SLC24A2: variants seen among roughly 807,000 people sequenced by gnomAD.
SLC24A2 encodes the protein solute carrier family 24 member 2.
Under a neutral mutation model 62.0 loss-of-function variants are expected in SLC24A2, and 36 were observed. The observed-to-expected ratio is 0.58, with a 90% CI of 0.44 to 0.77. The LOEUF is 0.77. Among genes scored for constraint, SLC24A2 ranks in the 30% least tolerant of loss-of-function variants. SLC24A2 has a pLI of 0.00. For synonymous variants in SLC24A2, 358 were observed against 294.0 expected, an observed-to-expected ratio of 1.22 and a Z score of -2.23; for missense variants, 846 against 817.9, an observed-to-expected ratio of 1.03 and a Z score of -0.42.
intron 2 of SLC24A2, among the ~76,000 whole-genome samples, chr9:19,691,055 T>A (rs1272239015): frequency 6.6e-6 from 1 of 152,138 alleles, no homozygotes; most frequent in South Asian, 2.1e-4. Flanking sequence ...CTGCCCAAGA[T>A]AATTTCAGGC....
the SLC24A2 span, among the ~76,000 whole-genome samples, chr9:19,806,611 G>A: frequency 6.6e-6 from 1 of 152,108 alleles, no homozygotes. Context: ...TGAGCTATCT[G>A]ATCTAAGTTA....
At chr9:20,055,985 A>G in the SLC24A2 span, among the ~76,000 whole-genome samples, 37 of 152,364 alleles carry the variant, frequency 2.4e-4, 1 homozygote, top group East Asian at 6.7e-3. Flanking sequence ...TGGTAGAAAT[A>G]GAAGATGTGT....
At chr9:19,732,503 T>G (rs929666132) in intron 2 of SLC24A2, among the ~76,000 whole-genome samples, 4 of 152,214 alleles carry the variant, frequency 2.6e-5, no homozygotes, top group African/African-American at 9.6e-5. Context: ...AATAATTGTG[T>G]ATATTTACGG....
At position 19,576,962 on chromosome 9, in the gene SLC24A2, T is replaced by A; in HGVS notation, c.1190A>T (p.Asp397Val). Residue 397 changes from aspartate (D) to valine (V), a missense_variant, in exon 6 of 11, where the codon GAT (aspartate) becomes GTT (valine). Asp to Val is a radical substitution (Grantham distance 152). Coordinates refer to ENST00000341998, the MANE Select transcript of SLC24A2 (RefSeq NM_020344.4). ...AGCCCCATTCTGCCTCTCGTTCTCATCCACATGACATTTCTTCTTGGCGAT... is the reference window on the plus strand; with the variant it reads ...AGCCCCATTCTGCCTCTCGTTCTCAACCACATGACATTTCTTCTTGGCGAT... ...HKIAKKKCHV[D>V]ENERQNGAAN... The A allele has an allele frequency of 6.2e-7, 1 of 1,614,132 alleles. No individual in the cohort carries two copies. The highest frequency in any genetic ancestry group is 8.5e-7 in the Non-Finnish European group (1 of 1,179,992).
At chr9:19,546,813 C>A (rs1341582840) in intron 8 of SLC24A2, among the ~76,000 whole-genome samples, 2 of 152,132 alleles carry the variant, frequency 1.3e-5, no homozygotes, top group Non-Finnish European at 2.9e-5. Context: ...TGCTTGAAAC[C>A]CAGGACACTG....
the SLC24A2 span, among the ~76,000 whole-genome samples, chr9:20,026,765 G>C: frequency 6.6e-6 from 1 of 152,104 alleles, no homozygotes; most frequent in African/African-American, 2.4e-5. Context: ...ATTGGTCTGG[G>C]CAATGACTTT....
chr9:20,231,790 A>G, the SLC24A2 span, among the ~76,000 whole-genome samples: 1 of 149,162 alleles, frequency 6.7e-6, no homozygotes, highest in Non-Finnish European at 1.5e-5. Context: ...GAGTGGTGAG[A>G]GAGGGCATCC....
At chr9:19,895,882 A>T in the SLC24A2 span, 6 of 1,613,234 alleles carry the variant, frequency 3.7e-6, no homozygotes, top group Non-Finnish European at 4.2e-6. Context: ...GGCCTCGGCC[A>T]GTGTGATGCG....
intron 8 of SLC24A2, among the ~76,000 whole-genome samples, chr9:19,534,618 C>G (rs1014018395): frequency 6.6e-6 from 1 of 151,738 alleles, no homozygotes; most frequent in Non-Finnish European, 1.5e-5. Flanking sequence ...GTTTAGTTTT[C>G]TGTTCTTGTG....
the SLC24A2 span, among the ~76,000 whole-genome samples, chr9:19,977,041 A>G: frequency 6.6e-6 from 1 of 152,140 alleles, no homozygotes; most frequent in African/African-American, 2.4e-5. Context: ...TATATGCAAT[A>G]TGTATTTTTT....
At chr9:19,906,443 CA>C in the SLC24A2 span, among the ~76,000 whole-genome samples, 1 of 151,566 alleles carries the variant, frequency 6.6e-6, no homozygotes, top group East Asian at 1.9e-4. Flanking sequence ...CAAACACATT[CA>C]AAAGCTAGCA....
the SLC24A2 span, among the ~76,000 whole-genome samples, chr9:20,086,398 C>T: frequency 4.6e-5 from 7 of 152,122 alleles, no homozygotes; most frequent in East Asian, 1.3e-3. Flanking sequence ...CACCTTGAGC[C>T]CCCAGCCTCC....
chr9:20,108,163 A>C, the SLC24A2 span, among the ~76,000 whole-genome samples: 1 of 152,214 alleles, frequency 6.6e-6, no homozygotes, highest in Non-Finnish European at 1.5e-5. Context: ...ATCTCACACC[A>C]GTTAGAATGG....
chr9:20,189,768 G>A, the SLC24A2 span, among the ~76,000 whole-genome samples: 5 of 152,240 alleles, frequency 3.3e-5, no homozygotes, highest in East Asian at 1.9e-4. Flanking sequence ...TCTGCAAATC[G>A]CATTACTTTA....
chr9:20,128,771 A>C, the SLC24A2 span, among the ~76,000 whole-genome samples: 2 of 152,120 alleles, frequency 1.3e-5, no homozygotes, highest in East Asian at 3.9e-4. Context: ...AAAAGAATGA[A>C]GTTTGACCCT....
At chr9:19,872,272 A>G in the SLC24A2 span, among the ~76,000 whole-genome samples, 1 of 152,214 alleles carries the variant, frequency 6.6e-6, no homozygotes, top group Non-Finnish European at 1.5e-5. Flanking sequence ...ATAGACTGCT[A>G]TCCAGGGAGG....
intron 2 of SLC24A2, among the ~76,000 whole-genome samples, chr9:19,634,141 C>T (rs371704113): frequency 1.3e-5 from 2 of 151,826 alleles, no homozygotes; most frequent in African/African-American, 4.8e-5. Context: ...TTTATCTGTA[C>T]CTCAATGGAT....
the SLC24A2 span, among the ~76,000 whole-genome samples, chr9:19,873,526 TC>T: frequency 7.3e-6 from 1 of 137,720 alleles, no homozygotes; most frequent in East Asian, 2.1e-4. Context: ...TCTCTCTCCT[TC>T]CTTTCTTTCT....
chr9:20,211,825 G>C, the SLC24A2 span, among the ~76,000 whole-genome samples: 2 of 151,262 alleles, frequency 1.3e-5, no homozygotes, highest in African/African-American at 4.9e-5. Flanking sequence ...AAATATTTGT[G>C]TTTGTGTTTG....
Sources: gnomAD v4.1 joint callset for allele counts (sites outside exome capture counted in the v4.1 genomes callset) on GRCh38, gnomAD v4.1.1 for gene constraint, MANE v1.5 for transcripts, NCBI Gene and HGNC (gene_info 2026-07-23, HGNC 2026-07-21) for gene names.